Variants in PALM2AKAP2 observed in about 807,000 individuals in gnomAD.
PALM2AKAP2 encodes PALM2 and AKAP2 fusion.
In PALM2AKAP2, 37 loss-of-function variants were observed where a neutral mutation model predicts 71.5. That is an observed-to-expected ratio of 0.52 (90% CI 0.40 to 0.68). The LOEUF (loss-of-function observed/expected upper bound fraction) is 0.68, where lower values mean the gene tolerates loss of function less well. PALM2AKAP2 is among the 30% of genes least tolerant of loss of function. The pLI is 0.00. For missense variants in PALM2AKAP2, 1,224 were observed against 1,191.8 expected (o/e 1.03, Z -0.40); for synonymous variants, 468 against 478.8 (o/e 0.98, Z 0.29).
chr9:110,003,146 C>T (rs1001292147), intron 6 of PALM2AKAP2, among the ~76,000 whole-genome samples: 12 of 151,970 alleles, frequency 7.9e-5, no homozygotes, highest in African/African-American at 2.7e-4. Context: ...TTAGATCTTT[C>T]CTGCTTTCTC....
At chr9:110,000,351 T>C (rs1226882462) in intron 6 of PALM2AKAP2, among the ~76,000 whole-genome samples, 1 of 152,250 alleles carries the variant, frequency 6.6e-6, no homozygotes, top group East Asian at 1.9e-4. Context: ...CTCATCATTT[T>C]TTATGGCTGT....
At chr9:109,999,338 G>A (rs1398655668) in intron 6 of PALM2AKAP2, among the ~76,000 whole-genome samples, 1 of 151,756 alleles carries the variant, frequency 6.6e-6, no homozygotes, top group Non-Finnish European at 1.5e-5. Context: ...GGGTGACAGA[G>A]CAAGACTGCC....
chr9:109,895,883 G>A (rs1416374446), intron 3 of PALM2AKAP2, among the ~76,000 whole-genome samples: 2 of 152,116 alleles, frequency 1.3e-5, no homozygotes, highest in Non-Finnish European at 2.9e-5. Flanking sequence ...GCAAGGAGAA[G>A]CGCTGAGCAT....
At chr9:109,771,935 T>C (rs1420275927) in intron 1 of PALM2AKAP2, 2 of 152,200 alleles carry the variant, frequency 1.3e-5, no homozygotes, top group East Asian at 3.8e-4. Context: ...CCGCAGCAGA[T>C]AAACAACTGG....
chr9:110,037,565 A>C (rs1833435874), intron 7 of PALM2AKAP2, among the ~76,000 whole-genome samples: 1 of 152,348 alleles, frequency 6.6e-6, no homozygotes, highest in East Asian at 1.9e-4. Context: ...TCTAGAAATT[A>C]ACAAAAGAGA....
chr9:110,158,821 T>C (rs1338762825), intron 3 of PALM2AKAP2, among the ~76,000 whole-genome samples: 1 of 152,250 alleles, frequency 6.6e-6, no homozygotes, highest in African/African-American at 2.4e-5. Context: ...TTTGCTGTTG[T>C]TGAAAATTCT....
At chr9:110,093,199 A>G (rs1303832585) in intron 1 of PALM2AKAP2, among the ~76,000 whole-genome samples, 1 of 152,198 alleles carries the variant, frequency 6.6e-6, no homozygotes, top group Admixed American at 6.5e-5. Flanking sequence ...ACCCTAGGCT[A>G]ACCTTCCAAA....
intron 7 of PALM2AKAP2, among the ~76,000 whole-genome samples, chr9:110,017,729 C>T (rs5025801): frequency 0.027 from 1,148 of 42,762 alleles, 19 homozygotes; most frequent in Admixed American, 0.035. Flanking sequence ...CGGCATATTC[C>T]TTTTTTTTTT....
At chr9:110,058,905 T>TTTG (rs1462921036) in intron 1 of PALM2AKAP2, among the ~76,000 whole-genome samples, 3 of 146,544 alleles carry the variant, frequency 2.0e-5, no homozygotes, top group African/African-American at 7.7e-5. Context: ...TTGGTTTTTT[T>TTTG]TTTTTTTTTT....
chr9:109,837,342 A>C (rs1349130361), intron 1 of PALM2AKAP2, among the ~76,000 whole-genome samples: 3 of 152,232 alleles, frequency 2.0e-5, no homozygotes, highest in African/African-American at 7.2e-5. Flanking sequence ...AGATTTTGTC[A>C]CCACCAGGCC....
chr9:110,131,570 T>C (rs943616), intron 1 of PALM2AKAP2, among the ~76,000 whole-genome samples: 114,966 of 152,136 alleles, frequency 0.76, 43,561 homozygotes, highest in East Asian at 0.97. Flanking sequence ...GATTCCTGCC[T>C]AATCCGGATA....
intron 1 of PALM2AKAP2, among the ~76,000 whole-genome samples, chr9:109,864,928 C>T (rs941224843): frequency 2.0e-4 from 31 of 152,018 alleles, no homozygotes; most frequent in African/African-American, 7.3e-4. Context: ...ATAGTCCTAG[C>T]CAATCTGTTG....
intron 3 of PALM2AKAP2, among the ~76,000 whole-genome samples, chr9:109,911,832 T>A (rs769139187): frequency 7.0e-6 from 1 of 141,986 alleles, no homozygotes; most frequent in African/African-American, 2.6e-5. Context: ...TATCTCTTAA[T>A]AAGCCTGCAC....
chr9:109,705,609 A>C (rs1424187979), intron 1 of PALM2AKAP2, among the ~76,000 whole-genome samples: 1 of 152,214 alleles, frequency 6.6e-6, no homozygotes, highest in Non-Finnish European at 1.5e-5. Context: ...ATCCAATGAC[A>C]GTTGGATCCA....
intron 1 of PALM2AKAP2, among the ~76,000 whole-genome samples, chr9:109,762,201 T>C (rs1829066236): frequency 6.6e-6 from 1 of 152,062 alleles, no homozygotes; most frequent in African/African-American, 2.4e-5. Flanking sequence ...ACCTATGTAG[T>C]TCCCAAAGAG....
chr9:109,893,170 G>A (rs1022698576), intron 3 of PALM2AKAP2, among the ~76,000 whole-genome samples: 16 of 152,150 alleles, frequency 1.1e-4, no homozygotes, highest in Non-Finnish European at 5.9e-5. Context: ...TGCCTTACAA[G>A]GCCAAGAAGC....
chr9:109,937,418 G>A (rs1831249840), intron 6 of PALM2AKAP2, among the ~76,000 whole-genome samples: 1 of 152,114 alleles, frequency 6.6e-6, no homozygotes, highest in African/African-American at 2.4e-5. Flanking sequence ...ACCAAATGCG[G>A]AGGCCCAAAA....
chr9:110,163,912 C>A (rs1220398775), intron 3 of PALM2AKAP2, among the ~76,000 whole-genome samples: 1 of 152,134 alleles, frequency 6.6e-6, no homozygotes, highest in African/African-American at 2.4e-5. Flanking sequence ...GAAGCACTGG[C>A]TAGTAGCCTG....
Position 110,113,108 on chromosome 9 carries a change from G to A in PALM2AKAP2, c.157-23019G>A, listed in dbSNP as rs563292123. Among the ~76,000 whole-genome samples, 7 of 152,294 alleles carry A rather than the reference G, an allele frequency of 4.6e-5. No homozygotes were observed. The South Asian group carries it at 1.2e-3, about 27-fold the overall frequency. On this transcript the variant is annotated intron_variant, in intron 1 of 3. Coordinates refer to ENST00000374525, the Ensembl canonical transcript of PALM2AKAP2. The stretch of plus-strand genomic sequence containing the variant: ...ACATGTATGCTTCTGCTCCAGCTGG[G>A]CAGTCGATAAGCCTGCAGCCTTTGC...
Sources: gnomAD v4.1 joint callset for allele counts (sites outside exome capture counted in the v4.1 genomes callset) on GRCh38, gnomAD v4.1.1 for gene constraint, MANE v1.5 for transcripts, NCBI Gene and HGNC (gene_info 2026-07-23, HGNC 2026-07-21) for gene names.